Variants in CNTNAP2 observed in about 807,000 individuals in gnomAD.
The protein encoded by CNTNAP2 is contactin associated protein 2, also known as contactin-associated protein-like 2.
A neutral mutation model predicts 155.2 loss-of-function variants in CNTNAP2; 98 were observed. That is an observed-to-expected ratio of 0.63 (90% CI 0.54 to 0.75). The LOEUF (loss-of-function observed/expected upper bound fraction) is 0.75. CNTNAP2 is among the 30% of genes least tolerant of loss of function. CNTNAP2 has a pLI of 0.00. For synonymous variants in CNTNAP2, 651 were observed against 631.2 expected, an observed-to-expected ratio of 1.03 and a Z score of -0.47; for missense variants, 1,727 against 1,688.1, an observed-to-expected ratio of 1.02 and a Z score of -0.40.
At chr7:147,614,698 C>A (rs1195116708) in intron 12 of CNTNAP2, among the ~76,000 whole-genome samples, 1 of 151,522 alleles carries the variant, frequency 6.6e-6, no homozygotes. Context: ...ATAAGCATTT[C>A]TCTTTCTGAT....
chr7:148,414,926 CAG>C (rs1481298969), intron 23 of CNTNAP2: 8 of 207,308 alleles, frequency 3.9e-5, no homozygotes, highest in East Asian at 1.1e-4. Flanking sequence ...GCCACAAATT[CAG>C]AGAGACTTAT....
In CNTNAP2 at chr7:147,429,253, G is replaced by T. The variant is rs919589003; in HGVS notation, c.1670+33473G>T. Among the ~76,000 whole-genome samples the T allele has an allele frequency of 6.6e-5, 10 of 150,972 alleles. No individual in the cohort carries two copies. In the South Asian group the frequency reaches 2.1e-3, roughly 32 times the overall value. On this transcript the variant is annotated intron_variant, in intron 10 of 23. Coordinates refer to ENST00000361727, the MANE Select transcript of CNTNAP2 (RefSeq NM_014141.6). ...TTGCAATTGCAGATTGTCATTTTTT[G>T]ATTTTTTTAAATTATGGCCATTCTT...
chr7:147,119,814 T>G (rs1396272715), intron 5 of CNTNAP2, among the ~76,000 whole-genome samples: 1 of 152,038 alleles, frequency 6.6e-6, no homozygotes, highest in Non-Finnish European at 1.5e-5. Context: ...GAATTTAGTG[T>G]GACAGTCAAT....
At chr7:146,789,515 C>CT (rs1802633724) in intron 2 of CNTNAP2, among the ~76,000 whole-genome samples, 1 of 150,554 alleles carries the variant, frequency 6.6e-6, no homozygotes, top group East Asian at 1.9e-4. Context: ...AAAAGCATAT[C>CT]TTTTTTTCAC....
At chr7:147,817,936 A>G (rs1798301187) in intron 13 of CNTNAP2, among the ~76,000 whole-genome samples, 1 of 151,950 alleles carries the variant, frequency 6.6e-6, no homozygotes, top group African/African-American at 2.4e-5. Context: ...CAAAGAAAAA[A>G]ATTAAGCAGA....
At chr7:146,289,636 G>A (rs566525911) in intron 1 of CNTNAP2, among the ~76,000 whole-genome samples, 2 of 152,252 alleles carry the variant, frequency 1.3e-5, no homozygotes, top group South Asian at 2.1e-4. Context: ...AAATATGAGC[G>A]ATTTGGGCCT....
intron 3 of CNTNAP2, among the ~76,000 whole-genome samples, chr7:146,860,749 G>GAA (rs965432853): frequency 6.8e-6 from 1 of 146,334 alleles, no homozygotes; most frequent in Non-Finnish European, 1.5e-5. Flanking sequence ...TCTTGGAACA[G>GAA]AAAAAAAAAA....
At chr7:146,142,051 T>A (rs1797888268) in intron 1 of CNTNAP2, among the ~76,000 whole-genome samples, 1 of 152,216 alleles carries the variant, frequency 6.6e-6, no homozygotes, top group African/African-American at 2.4e-5. Context: ...GCTTTGTATT[T>A]CCTTGTTATT....
chr7:146,188,810 T>A (rs73739514), intron 1 of CNTNAP2, among the ~76,000 whole-genome samples: 1,563 of 152,288 alleles, frequency 0.01, 24 homozygotes, highest in African/African-American at 0.036. Flanking sequence ...TGAACTTGCA[T>A]CTGGCAGAAA....
intron 8 of CNTNAP2, among the ~76,000 whole-genome samples, chr7:147,295,226 A>AGTGTGTGTGCGC (rs1035253814): frequency 6.6e-6 from 1 of 151,684 alleles, no homozygotes; most frequent in Non-Finnish European, 1.5e-5. Flanking sequence ...AGCAAATGGA[A>AGTGTGTGTGCGC]GTGTGTGTGC....
chr7:147,863,185 G>C (rs1799166304), intron 13 of CNTNAP2, among the ~76,000 whole-genome samples: 1 of 152,032 alleles, frequency 6.6e-6, no homozygotes, highest in African/African-American at 2.4e-5. Flanking sequence ...GTGGTGTTTG[G>C]TTTTCTGTCC....
chr7:148,113,993 C>T (rs577702816), intron 15 of CNTNAP2, among the ~76,000 whole-genome samples: 1 of 152,332 alleles, frequency 6.6e-6, no homozygotes, highest in South Asian at 2.1e-4. Context: ...TCCGTGCTGG[C>T]CTGGTCCCTG....
intron 1 of CNTNAP2, among the ~76,000 whole-genome samples, chr7:146,283,268 A>G (rs1800277585): frequency 6.6e-6 from 1 of 152,224 alleles, no homozygotes; most frequent in African/African-American, 2.4e-5. Flanking sequence ...ATTGACTCCT[A>G]AATGAGTATG....
At chr7:146,973,986 A>G (rs1344833619) in intron 3 of CNTNAP2, among the ~76,000 whole-genome samples, 3 of 152,238 alleles carry the variant, frequency 2.0e-5, no homozygotes, top group East Asian at 3.9e-4. Context: ...CAAGAGCTTC[A>G]TAAGGTCAAA....
intron 13 of CNTNAP2, among the ~76,000 whole-genome samples, chr7:147,712,627 A>G (rs994825892): frequency 1.3e-5 from 2 of 152,192 alleles, no homozygotes. Flanking sequence ...CATCATTCTG[A>G]GCAAACTATC....
At chr7:147,498,171 T>TA (rs58638014) in intron 11 of CNTNAP2, among the ~76,000 whole-genome samples, 2,279 of 130,360 alleles carry the variant, frequency 0.017, 32 homozygotes, top group African/African-American at 0.032. Context: ...CAAGCTATGA[T>TA]AAAAAAAAAA....
intron 13 of CNTNAP2, among the ~76,000 whole-genome samples, chr7:147,732,808 TC>T (rs1796766844): frequency 6.6e-6 from 1 of 151,660 alleles, no homozygotes; most frequent in Admixed American, 6.6e-5. Context: ...CATTTTTTCA[TC>T]ATCTTGGCTG....
intron 8 of CNTNAP2, among the ~76,000 whole-genome samples, chr7:147,284,804 T>G (rs10808044): frequency 0.47 from 71,577 of 151,572 alleles, 17,531 homozygotes; most frequent in East Asian, 0.76. Flanking sequence ...ATTGAAGATT[T>G]CTGAAGAGAC....
chr7:147,702,586 C>G (rs1188576948), intron 13 of CNTNAP2, among the ~76,000 whole-genome samples: 1 of 151,546 alleles, frequency 6.6e-6, no homozygotes, highest in Non-Finnish European at 1.5e-5. Flanking sequence ...CTTTAGTAAC[C>G]CCACCTGAGA....
Sources: allele counts gnomAD v4.1 joint callset (sites outside exome capture counted in the v4.1 genomes callset), GRCh38; gene constraint gnomAD v4.1.1; transcripts MANE v1.5; gene names NCBI Gene and HGNC (gene_info 2026-07-23, HGNC 2026-07-21).